METAP1: variants seen among roughly 807,000 people sequenced by gnomAD.
The protein encoded by METAP1 is methionyl aminopeptidase 1.
Under a neutral mutation model 53.8 loss-of-function variants are expected in METAP1, and 28 were observed. The observed-to-expected ratio is 0.52, with a 90% CI of 0.39 to 0.71. METAP1 has a LOEUF of 0.71. METAP1 is among the 30% of genes least tolerant of loss of function. The pLI is 0.00. For missense variants in METAP1, 389 were observed against 479.8 expected (o/e 0.81, Z 1.77); for synonymous variants, 181 against 165.7 (o/e 1.09, Z -0.71).
At chr4:99,031,474 A>G (rs906674546) in intron 2 of METAP1, 1 of 1,285,414 alleles carries the variant, frequency 7.8e-7, no homozygotes, top group South Asian at 1.2e-5. Flanking sequence ...TCCCCTACCC[A>G]TTCACACTAG....
At chr4:99,023,440 C>G in intron 1 of METAP1, 1 of 942,698 alleles carries the variant, frequency 1.1e-6, no homozygotes, top group Non-Finnish European at 1.3e-6. Context: ...TTGATACATA[C>G]AAATCCTTTT....
intron 9 of METAP1, among the ~76,000 whole-genome samples, chr4:99,054,513 T>C (rs941085653): frequency 6.6e-6 from 1 of 152,198 alleles, no homozygotes; most frequent in African/African-American, 2.4e-5. Flanking sequence ...AGTAAGACTG[T>C]TTTACTTTCT....
chr4:99,008,803 A>G (rs776126406), intron 1 of METAP1, among the ~76,000 whole-genome samples: 2 of 152,172 alleles, frequency 1.3e-5, no homozygotes, highest in Non-Finnish European at 2.9e-5. Context: ...TTTATCTTTC[A>G]AAATAAAATA....
chr4:99,002,882 A>G (rs1173592932), intron 1 of METAP1, among the ~76,000 whole-genome samples: 2 of 152,076 alleles, frequency 1.3e-5, no homozygotes, highest in Admixed American at 6.5e-5. Context: ...CCTGGTCAAC[A>G]TGGGGAAACC....
chr4:99,048,607 C>T (rs933531927), intron 8 of METAP1, 126 bp from the exon 9 acceptor site: 18 of 1,020,190 alleles, frequency 1.8e-5, no homozygotes, highest in Middle Eastern at 2.7e-4. Context: ...TGAGCTCAGG[C>T]GATCTTCCTG....
intron 1 of METAP1, chr4:99,022,164 C>G (rs942126847): frequency 5.4e-5 from 18 of 332,042 alleles, no homozygotes; most frequent in Middle Eastern, 8.0e-4. Flanking sequence ...ATAGTGGAAG[C>G]CCACAAAACT....
At chr4:98,999,747 G>T (rs1722835143) in intron 1 of METAP1, among the ~76,000 whole-genome samples, 1 of 151,550 alleles carries the variant, frequency 6.6e-6, no homozygotes, top group South Asian at 2.1e-4. Context: ...TCCTGACCTC[G>T]TGATCCGCCT....
chr4:99,024,193 A>G (rs932677929), intron 1 of METAP1, among the ~76,000 whole-genome samples: 1 of 152,164 alleles, frequency 6.6e-6, no homozygotes, highest in Admixed American at 6.5e-5. Context: ...TTATCGGTAC[A>G]TGCAGCCCCC....
At chr4:99,020,501 CGGGACTACCACCTGAGGAGGAGGT>C (rs879615729) in intron 1 of METAP1, among the ~76,000 whole-genome samples, 2 of 152,040 alleles carry the variant, frequency 1.3e-5, no homozygotes, top group Non-Finnish European at 2.9e-5. Flanking sequence ...GAGGAGGAGG[CGGGACTACCACCTGAGGAGGAGGT>C]GGGACTAACT....
chr4:99,006,585 A>G (rs577724390), intron 1 of METAP1, among the ~76,000 whole-genome samples: 24 of 152,204 alleles, frequency 1.6e-4, no homozygotes, highest in Non-Finnish European at 2.8e-4. Flanking sequence ...ATTCTTAACT[A>G]TAATACTATT....
chr4:99,023,098 C>T (rs1724263054), intron 1 of METAP1: 8 of 1,142,694 alleles, frequency 7.0e-6, no homozygotes, highest in African/African-American at 1.5e-5. Flanking sequence ...CGCCTTTGCT[C>T]TGTTGCGGCC....
At chr4:99,019,596 T>A (rs1333599791) in intron 1 of METAP1, among the ~76,000 whole-genome samples, 1 of 152,198 alleles carries the variant, frequency 6.6e-6, no homozygotes, top group Non-Finnish European at 1.5e-5. Flanking sequence ...CTCTGTGAGA[T>A]GGCACCCCTG....
At position 98,995,856 on chromosome 4, in the gene METAP1, T is replaced by C; in HGVS notation, c.103T>C (p.Phe35Leu). ...CIKLGIQGSY[F>L]CSQECFKGSW... ...CAAGCTGGGCATCCAGGGCTCGTAC[T>C]TCTGCTCGCAGGTAGGCGCCCGCTG... is the stretch of plus-strand genomic sequence containing the variant. Residue 35 changes from phenylalanine to leucine, a missense_variant, in exon 1 of 11, where the codon TTC becomes CTC. Coordinates refer to ENST00000296411, the MANE Select transcript of METAP1 (RefSeq NM_015143.3). 1.9e-6 allele frequency: 3 copies of C among 1,541,168 alleles called. No individual in the cohort carries two copies. The highest frequency in any genetic ancestry group is 2.6e-6 in the Non-Finnish European group (3 of 1,142,088).
intron 1 of METAP1, among the ~76,000 whole-genome samples, chr4:99,009,330 G>A (rs1454682538): frequency 2.6e-5 from 4 of 152,180 alleles, no homozygotes; most frequent in African/African-American, 2.4e-5. Context: ...ATGAACACGA[G>A]CGTGCAAATA....
intron 10 of METAP1, among the ~76,000 whole-genome samples, chr4:99,060,037 A>G (rs1199249056): frequency 1.3e-5 from 2 of 152,218 alleles, no homozygotes; most frequent in East Asian, 3.8e-4. Context: ...TATGCTGAGT[A>G]TAGTTTTGTC....
At chr4:99,023,573 G>T in intron 1 of METAP1, 1 of 985,220 alleles carries the variant, frequency 1.0e-6, no homozygotes, top group South Asian at 4.7e-5. Flanking sequence ...AGGTAATACA[G>T]GATCTTAAGG....
At chr4:99,013,580 C>T (rs973654964) in intron 1 of METAP1, among the ~76,000 whole-genome samples, 18 of 152,244 alleles carry the variant, frequency 1.2e-4, no homozygotes, top group African/African-American at 4.3e-4. Context: ...CATTTATAAC[C>T]TTTACATCCT....
At chr4:99,045,433 C>G in intron 8 of METAP1, 123 bp downstream of exon 8, 2 of 1,083,586 alleles carry the variant, frequency 1.8e-6, no homozygotes, top group South Asian at 2.0e-5. Context: ...CCTGAGTTAG[C>G]TTTGGTTGTT....
At chr4:99,057,113 C>T (rs1419841059) in intron 9 of METAP1, among the ~76,000 whole-genome samples, 8 of 152,244 alleles carry the variant, frequency 5.3e-5, no homozygotes, top group Non-Finnish European at 5.9e-5. Flanking sequence ...AGGTGATCCA[C>T]CTGCCTCGGC....
Sources: gnomAD v4.1 joint callset for allele counts (sites outside exome capture counted in the v4.1 genomes callset) on GRCh38, gnomAD v4.1.1 for gene constraint, MANE v1.5 for transcripts, NCBI Gene and HGNC (gene_info 2026-07-23, HGNC 2026-07-21) for gene names.